The following LRRTM4 variants were observed in gnomAD, a reference collection of about 807,000 sequenced individuals.
The protein encoded by LRRTM4 is leucine-rich repeat transmembrane neuronal protein 4.
A neutral mutation model predicts 47.6 loss-of-function variants in LRRTM4; 25 were observed. That is an observed-to-expected ratio of 0.53 (90% CI 0.38 to 0.73). The LOEUF (loss-of-function observed/expected upper bound fraction) is 0.73, where lower values mean the gene tolerates loss of function less well. LRRTM4 is among the 30% of genes least tolerant of loss of function. The pLI is 0.00. For synonymous variants in LRRTM4, 311 were observed against 269.5 expected (o/e 1.15, Z -1.51); for missense variants, 638 against 713.4 (o/e 0.89, Z 1.20).
intron 3 of LRRTM4, among the ~76,000 whole-genome samples, chr2:77,040,128 T>C (rs1363729639): frequency 6.6e-6 from 1 of 151,288 alleles, no homozygotes; most frequent in Non-Finnish European, 1.5e-5. Context: ...GATTTCATTG[T>C]AGTCCAAATC....
intron 3 of LRRTM4, among the ~76,000 whole-genome samples, chr2:77,092,516 T>C (rs1446846033): frequency 1.4e-5 from 2 of 143,470 alleles, no homozygotes; most frequent in Non-Finnish European, 3.0e-5. Flanking sequence ...TCTGCTATTC[T>C]ACTACTCCTC....
intron 3 of LRRTM4, among the ~76,000 whole-genome samples, chr2:77,435,045 AG>A (rs1186818637): frequency 1.3e-5 from 2 of 152,074 alleles, no homozygotes; most frequent in Admixed American, 6.6e-5. Flanking sequence ...TATGCATTGT[AG>A]GATGTTTAGC....
In LRRTM4 at chr2:77,452,412, G is replaced by A. The variant is rs116594701; in HGVS notation, c.1551+65906C>T. On this transcript the variant is annotated intron_variant, in intron 3 of 3. Coordinates refer to ENST00000409884, the MANE Select transcript of LRRTM4 (RefSeq NM_001134745.3). ...TGTTGAGGGTCTTAAGAATGAGTGT[G>A]TCATGAGCTCGCTTTAATAACATTT... 9.2e-3 allele frequency among the ~76,000 whole-genome samples: 1,404 copies of A among 152,284 alleles called. 14 individuals are homozygous for A. Among genetic ancestry groups the A allele is most frequent in the African/African-American group, 0.032 (1,345 of 41,560 alleles).
rs555180552 is a variant in LRRTM4 at position 77,217,620 on chromosome 2, G to T, written c.1551+300698C>A. On this transcript the variant is annotated intron_variant, in intron 3 of 3. Coordinates refer to ENST00000409884, the MANE Select transcript of LRRTM4 (RefSeq NM_001134745.3). ...GGGTCATGTTGGTTCTGCTCCATTT[G>T]CTGTGTTGCTGAAATGTTCCATGTC... Among the ~76,000 whole-genome samples, 3 of 151,480 alleles carry T rather than the reference G, an allele frequency of 2.0e-5. No homozygotes were observed. In the South Asian group the frequency reaches 6.3e-4, roughly 32 times the overall value.
intron 3 of LRRTM4, among the ~76,000 whole-genome samples, chr2:77,495,124 T>G (rs940186088): frequency 2.6e-5 from 4 of 152,090 alleles, no homozygotes; most frequent in African/African-American, 7.2e-5. Context: ...GCACAAGTCT[T>G]TGTATGGGCA....
At chr2:77,193,122 G>A (rs181778479) in intron 3 of LRRTM4, among the ~76,000 whole-genome samples, 9 of 152,118 alleles carry the variant, frequency 5.9e-5, no homozygotes, top group East Asian at 3.9e-4. Flanking sequence ...GCTTGGATAC[G>A]CAAGTACTTA....
chr2:77,407,718 T>A (rs535124237), intron 3 of LRRTM4, among the ~76,000 whole-genome samples: 12,805 of 139,726 alleles, frequency 0.092, 932 homozygotes, highest in African/African-American at 0.2. Flanking sequence ...ATATCATATA[T>A]TATATTATAT....
intron 3 of LRRTM4, among the ~76,000 whole-genome samples, chr2:77,052,969 T>A (rs769518947): frequency 7.9e-5 from 12 of 151,428 alleles, no homozygotes; most frequent in Non-Finnish European, 1.8e-4. Flanking sequence ...CTAGGAATCC[T>A]AGGAGAAAGG....
At chr2:77,093,448 T>C (rs1402029832) in intron 3 of LRRTM4, among the ~76,000 whole-genome samples, 1 of 151,380 alleles carries the variant, frequency 6.6e-6, no homozygotes. Context: ...ACGACAAATG[T>C]TTCTTCTAAC....
At chr2:77,422,909 A>G (rs888860281) in intron 3 of LRRTM4, among the ~76,000 whole-genome samples, 1 of 152,134 alleles carries the variant, frequency 6.6e-6, no homozygotes, top group Non-Finnish European at 1.5e-5. Context: ...AAAGTTTACA[A>G]GTTTCTATTT....
At chr2:76,828,130 A>G (rs947139221) in intron 3 of LRRTM4, among the ~76,000 whole-genome samples, 3 of 151,890 alleles carry the variant, frequency 2.0e-5, no homozygotes, top group Admixed American at 6.6e-5. Flanking sequence ...TCAATTTTTG[A>G]AATAGAATTA....
intron 3 of LRRTM4, among the ~76,000 whole-genome samples, chr2:76,994,801 T>C (rs1466224913): frequency 1.3e-5 from 2 of 152,026 alleles, no homozygotes; most frequent in East Asian, 3.9e-4. Flanking sequence ...TATTATCTGC[T>C]GTTTTGATGA....
At chr2:77,461,723 G>C (rs967551890) in intron 3 of LRRTM4, among the ~76,000 whole-genome samples, 3 of 151,946 alleles carry the variant, frequency 2.0e-5, no homozygotes, top group Non-Finnish European at 2.9e-5. Context: ...TGAGGATTTG[G>C]GAACATTATA....
intron 3 of LRRTM4, among the ~76,000 whole-genome samples, chr2:77,016,409 A>G (rs1158200697): frequency 1.4e-5 from 2 of 147,468 alleles, no homozygotes; most frequent in Non-Finnish European, 3.0e-5. Context: ...AAGAGTGAGG[A>G]AGAAGATGGG....
rs531918150 is a variant in LRRTM4 at position 76,771,537 on chromosome 2, G to A, written c.1552-22621C>T. On this transcript the variant is annotated intron_variant, in intron 3 of 3. Transcript: ENST00000409884. ...CACTTTTTTAAGTAGCTGCCTGGAG[G>A]AGCTGAGGCTGAGCACTGCCTTTGC... Among the ~76,000 whole-genome samples the A allele has an allele frequency of 2.6e-5, 4 of 151,988 alleles. No homozygotes were observed. The East Asian group carries it at 5.8e-4, about 22-fold the overall frequency.
At chr2:76,977,060 T>A (rs911591587) in intron 3 of LRRTM4, among the ~76,000 whole-genome samples, 1 of 151,720 alleles carries the variant, frequency 6.6e-6, no homozygotes, top group African/African-American at 2.4e-5. Context: ...TATGTGTACA[T>A]AGATTTTTCT....
chr2:77,096,485 A>G (rs868500024), intron 3 of LRRTM4, among the ~76,000 whole-genome samples: 1 of 151,338 alleles, frequency 6.6e-6, no homozygotes, highest in Middle Eastern at 4.7e-3. Context: ...TAAAATATGA[A>G]TAAATATAAA....
chr2:76,938,082 CTTA>C (rs1385741784), intron 3 of LRRTM4, among the ~76,000 whole-genome samples: 2 of 151,862 alleles, frequency 1.3e-5, no homozygotes, highest in East Asian at 1.9e-4. Flanking sequence ...TTCCTCTCTT[CTTA>C]TATTATTTTA....
At chr2:76,923,184 GTTTT>G (rs755469926) in intron 3 of LRRTM4, among the ~76,000 whole-genome samples, 307 of 152,018 alleles carry the variant, frequency 2.0e-3, no homozygotes, top group Non-Finnish European at 3.7e-3. Flanking sequence ...AAAGAGATAG[GTTTT>G]AACTATATTT....
Sources: allele counts gnomAD v4.1 joint callset (sites outside exome capture counted in the v4.1 genomes callset), GRCh38; gene constraint gnomAD v4.1.1; transcripts MANE v1.5; gene names NCBI Gene and HGNC (gene_info 2026-07-23, HGNC 2026-07-21).